SLC7A3: variants seen among roughly 807,000 people sequenced by gnomAD.
SLC7A3 encodes the protein solute carrier family 7 member 3.
In SLC7A3, 3 loss-of-function variants were observed where a neutral mutation model predicts 33.2. The observed-to-expected ratio is 0.09, with a 90% CI of 0.04 to 0.23. SLC7A3 has a LOEUF of 0.23. Among genes scored for constraint, SLC7A3 ranks in the 10% least tolerant of loss-of-function variants. SLC7A3 has a pLI of 1.00. For synonymous variants in SLC7A3, 193 were observed against 195.1 expected, an observed-to-expected ratio of 0.99 and a Z score of 0.09; for missense variants, 360 against 488.8, an observed-to-expected ratio of 0.74 and a Z score of 2.48.
Position 70,928,501 on chromosome X carries a change from T to C in SLC7A3, c.662A>G (p.Glu221Gly). ...AGCCATGGCCAATTCGTAGTCCTCT[T>C]CTGTGAGCTTCCAGTTGTGCACGTC... ...KGDVHNWKLTEEDYELAMAEL... is the reference protein window; with the variant it reads ...KGDVHNWKLTGEDYELAMAEL... The change falls in exon 4 of 12, where the codon GAA (glutamate) becomes GGA (glycine). Residue 221 changes from glutamate to glycine, a missense_variant. Physicochemically the swap from Glu to Gly is moderately conservative, Grantham distance 98. Coordinates refer to ENST00000374299, the MANE Select transcript of SLC7A3 (RefSeq NM_032803.6). 8.3e-7 allele frequency: 1 copy of C among 1,205,070 alleles called. No homozygotes were observed. Among genetic ancestry groups the C allele is most frequent in the Non-Finnish European group, 1.1e-6 (1 of 892,113 alleles).
At position 70,929,660 on chromosome X, in the gene SLC7A3, G is replaced by C. The variant is rs1223687678; in HGVS notation, c.338C>G (p.Thr113Ser). The C allele has an allele frequency of 9.1e-6, 11 of 1,208,724 alleles. 1 individual carries two copies. Among genetic ancestry groups the C allele is most frequent in the Non-Finnish European group, 1.2e-5 (11 of 894,762 alleles). ...VTVGELWAFT[T>S]GWNLILSYVI... ...ATAGGAGAGGATGAGGTTCCAGCCA[G>C]TGGTGAAGGCCCAGAGTTCACCCAC... is the stretch of plus-strand genomic sequence containing the variant. The change falls in exon 2 of 12, where the codon ACT becomes AGT. Residue 113 changes from threonine to serine, a missense_variant. By Grantham distance (58) the Thr-to-Ser change is moderately conservative (BLOSUM62 1). Coordinates refer to ENST00000374299, the MANE Select transcript of SLC7A3 (RefSeq NM_032803.6).
Position 70,926,149 on chromosome X carries a change from C to A in SLC7A3, c.1650G>T (p.Met550Ile). The A allele has an allele frequency of 8.3e-7, 1 of 1,210,170 alleles. No individual in the cohort carries two copies. Among genetic ancestry groups the A allele is most frequent in the Non-Finnish European group, 1.1e-6 (1 of 894,710 alleles). The change falls in exon 11 of 12, where the codon ATG becomes ATT. Residue 550 changes from methionine (M) to isoleucine (I), a missense_variant. Coordinates refer to ENST00000374299, the MANE Select transcript of SLC7A3 (RefSeq NM_032803.6). ...TAAGGTAAATATTCACAAAGATGCT[C>A]ATTAGTGGGAGGAGAGGCAAAGCAG... ...KVPALPLLPLMSIFVNIYLMM... is the reference protein window; with the variant it reads ...KVPALPLLPLISIFVNIYLMM...
rs1434249732 is a variant in SLC7A3, at chrX:70,928,849, A to G, written c.524T>C (p.Leu175Pro). The G allele has an allele frequency of 8.3e-7, 1 of 1,207,408 alleles. No homozygotes were observed. Among genetic ancestry groups the G allele is most frequent in the Non-Finnish European group, 1.1e-6 (1 of 894,682 alleles). ...DFFALGLVLL[L>P]TGLLALGASE... ...TACCCTGCTCTTTGCCTCACCAGTGAGCAGCAACACGAGGCCCAAAGCAAA... is the reference window on the plus strand; with the variant it reads ...TACCCTGCTCTTTGCCTCACCAGTGGGCAGCAACACGAGGCCCAAAGCAAA... Residue 175 changes from leucine (L) to proline (P), a missense_variant, in exon 3 of 12, where the codon CTC (leucine) becomes CCC (proline). Coordinates refer to ENST00000374299, the MANE Select transcript of SLC7A3 (RefSeq NM_032803.6).
chrX:70,929,142 G>T, intron 2 of SLC7A3, 140 bp from the exon 3 acceptor site: 1 of 603,806 alleles, frequency 1.7e-6, no homozygotes, highest in Non-Finnish European at 2.6e-6. Flanking sequence ...CCAGGATGGA[G>T]TGCAGTGGCA....
chrX:70,929,425 T>C (rs1240010693), intron 2 of SLC7A3, among the ~76,000 whole-genome samples: 1 of 110,897 alleles, frequency 9.0e-6, no homozygotes, highest in Non-Finnish European at 1.9e-5. Flanking sequence ...ACCATTCACT[T>C]AATTAAGGAA....
intron 10 of SLC7A3, 52 bp from the exon 11 acceptor site, chrX:70,926,230 G>A (rs2091896467): frequency 9.5e-7 from 1 of 1,053,984 alleles, no homozygotes; most frequent in South Asian, 2.0e-5. Context: ...GACCTAGAAA[G>A]AGATCCCTAT....
Position 70,928,773 on chromosome X carries a change from C to T in SLC7A3, c.529+71G>A, listed in dbSNP as rs773858424. 4.2e-4 allele frequency: 493 copies of T among 1,174,449 alleles called. No homozygotes were observed. The Middle Eastern group carries it at 4.6e-3, about 11-fold the overall frequency. ...GCCTTTCTCAGGCCCATCCCCCATC[C>T]TTATCCCTGGCCCCAAGGACTAGCC... On this transcript the variant is annotated intron_variant, in intron 3 of 11. Coordinates refer to ENST00000374299, the MANE Select transcript of SLC7A3 (RefSeq NM_032803.6).
rs45446793 is a variant in SLC7A3 at position 70,927,986 on chromosome X, C to T, written c.855G>A (p.Pro285=). ...EEAQNPQRSI[P]MGIVISLSVC... ...CAGACAGTGAGATCACAATGCCCAT[C>T]GGGATGGAACGCTGGGGATTCTGGG... is the stretch of plus-strand genomic sequence containing the variant. Residue 285 remains proline (P), a synonymous_variant, in exon 6 of 12, where the codon CCG becomes CCA. Coordinates refer to ENST00000374299, the MANE Select transcript of SLC7A3 (RefSeq NM_032803.6). 45,274 of 1,209,377 alleles carry T rather than the reference C, an allele frequency of 0.037. 672 individuals carry two copies. Among genetic ancestry groups the T allele is most frequent in the Middle Eastern group, 0.091 (394 of 4,352 alleles).
chrX:70,928,812 C>T (rs1380971839), intron 3 of SLC7A3, 32 bp downstream of exon 3: 1 of 1,206,019 alleles, frequency 8.3e-7, no homozygotes, highest in South Asian at 1.8e-5. Flanking sequence ...CCTGGCCCAA[C>T]CCCCACCATT....
In SLC7A3 at chrX:70,927,365, G is replaced by A. The variant is rs752473773; in HGVS notation, c.1203C>T (p.Phe401=). ...TGAGGTCCACAAGATCAGTGAGTTT[G>A]AAGAGGAATGCCATGAATGCTAAAA... ...GIIAAFMAFL[F]KLTDLVDLMS... The change falls in exon 8 of 12, where the codon TTC becomes TTT. Residue 401 remains phenylalanine, a synonymous_variant. Coordinates refer to ENST00000374299, the MANE Select transcript of SLC7A3 (RefSeq NM_032803.6). 2.5e-6 allele frequency: 3 copies of A among 1,211,195 alleles called. No individual in the cohort carries two copies. Among genetic ancestry groups the A allele is most frequent in the East Asian group, 5.9e-5 (2 of 33,860 alleles).
At chrX:70,930,376 T>A (rs1199628698) in intron 1 of SLC7A3, among the ~76,000 whole-genome samples, 1 of 111,689 alleles carries the variant, frequency 9.0e-6, no homozygotes, top group Non-Finnish European at 1.9e-5. Flanking sequence ...TGAAACCTAA[T>A]GTGTCAGTTC....
chrX:70,926,301 G>T, intron 10 of SLC7A3, 123 bp from the exon 11 acceptor site: 2 of 686,426 alleles, frequency 2.9e-6, no homozygotes, highest in Non-Finnish European at 2.2e-6. Flanking sequence ...TTCAGTAGCT[G>T]CTCATTTAGC....
At position 70,925,632 on chromosome X, in the gene SLC7A3, A is replaced by T. The variant is rs1022258929; in HGVS notation, c.*181T>A. On this transcript the variant is annotated 3_prime_UTR_variant, in exon 12 of 12. Coordinates refer to ENST00000374299, the MANE Select transcript of SLC7A3 (RefSeq NM_032803.6). ...TTTTTTAAAGTTGGTAAGCAGCTAG[A>T]CATCATTTAGAAGCAGACGGGTTAA... 2.3e-6 allele frequency: 1 copy of T among 440,260 alleles called. No homozygotes were observed. The highest frequency in any genetic ancestry group is 2.4e-5 in the African/African-American group (1 of 41,522). The allele number at this position is 440,260 out of a possible 1,213,427, so 36.3% of individuals were successfully genotyped here.
In SLC7A3 at chrX:70,925,692, A is replaced by G. The variant is rs2091894854; in HGVS notation, c.*121T>C. ...GAAATAGCAAAGACACATCCTTCAC[A>G]TCGTACAGAACTGTATTAGTATCCA... On this transcript the variant is annotated 3_prime_UTR_variant, in exon 12 of 12. Transcript: ENST00000374299. The G allele has an allele frequency of 8.9e-6, 7 of 788,037 alleles. No homozygotes were observed. The highest frequency in any genetic ancestry group is 1.3e-5 in the Non-Finnish European group (7 of 549,269). The allele number at this position is 788,037 out of a possible 1,213,427, so 64.9% of individuals were successfully genotyped here.
At chrX:70,926,295 G>A in intron 10 of SLC7A3, 117 bp from the exon 11 acceptor site, 1 of 704,764 alleles carries the variant, frequency 1.4e-6, no homozygotes, top group African/African-American at 2.1e-5. Context: ...CTGCATTTCA[G>A]TAGCTGCTCA....
In SLC7A3 at chrX:70,929,012, C is replaced by T; in HGVS notation, c.371-10G>A. The T allele has an allele frequency of 8.3e-7, 1 of 1,210,010 alleles. No homozygotes were observed. The highest frequency in any genetic ancestry group is 1.1e-6 in the Non-Finnish European group (1 of 894,082). On this transcript the variant is annotated splice_polypyrimidine_tract_variant and intron_variant, in intron 2 of 11. Transcript: ENST00000374299. ...GCCACACTGGCTGTACCTGGTGTAG[C>T]AGAGAGAGAAACATGTGGCCAAGTT...
chrX:70,926,232 G>A (rs748142255), intron 10 of SLC7A3, 54 bp from the exon 11 acceptor site: 234 of 1,043,555 alleles, frequency 2.2e-4, no homozygotes, highest in Non-Finnish European at 2.9e-4. Context: ...CCTAGAAAGA[G>A]ATCCCTATCC....
chrX:70,927,595 G>A lies in SLC7A3; in HGVS notation c.1072C>T (p.Arg358Trp). ...SLLGSMFPMP[R>W]VIYAMAEDGL... ...TCCTCTGCCATCGCGTAGATCACCC[G>A]AGGCATGGGGAACATGGAGCCCAGG... The change falls in exon 7 of 12, where the codon CGG (arginine) becomes TGG (tryptophan). Residue 358 changes from arginine to tryptophan, a missense_variant. Transcript: ENST00000374299. 8.3e-7 allele frequency: 1 copy of A among 1,210,051 alleles called. No homozygotes were observed. The highest frequency in any genetic ancestry group is 1.1e-6 in the Non-Finnish European group (1 of 894,812).
At position 70,929,954 on chromosome X, in the gene SLC7A3, C is replaced by G. The variant is rs201520823; in HGVS notation, c.44G>C (p.Arg15Pro). 1 of 1,204,808 alleles carries G rather than the reference C, an allele frequency of 8.3e-7. No individual in the cohort carries two copies. The highest frequency in any genetic ancestry group is 2.2e-5 in the Admixed American group (1 of 45,394). The change falls in exon 2 of 12, where the codon CGC (arginine) becomes CCC (proline). Residue 15 changes from arginine (R) to proline (P), a missense_variant. Arg to Pro is a moderately radical substitution (Grantham distance 103). Transcript: ENST00000374299. ...AFRRFGQKLV[R>P]RRTLESGMAE... ...CATGCCTGACTCCAGTGTACGTCTGCGTACCAGCTTTTGACCAAATCTGCG... is the reference window on the plus strand; with the variant it reads ...CATGCCTGACTCCAGTGTACGTCTGGGTACCAGCTTTTGACCAAATCTGCG...
Sources: allele counts gnomAD v4.1 joint callset (sites outside exome capture counted in the v4.1 genomes callset), GRCh38; gene constraint gnomAD v4.1.1; transcripts MANE v1.5; gene names NCBI Gene and HGNC (gene_info 2026-07-23, HGNC 2026-07-21).